SSU72: variants seen among roughly 807,000 people sequenced by gnomAD.
The protein encoded by SSU72 is SSU72 homolog, RNA polymerase II CTD phosphatase, also known as RNA polymerase II subunit A C-terminal domain phosphatase SSU72.
In SSU72, 12 loss-of-function variants were observed where a neutral mutation model predicts 22.7. That is an observed-to-expected ratio of 0.53 (90% CI 0.34 to 0.86). The LOEUF (loss-of-function observed/expected upper bound fraction) is 0.86. Among genes scored for constraint, SSU72 ranks in the 40% least tolerant of loss-of-function variants. The probability of loss-of-function intolerance (pLI) is 0.02; values close to 1 mark genes in which losing one functional copy is unlikely to be tolerated. For missense variants in SSU72, 151 were observed against 249.8 expected (o/e 0.60, Z 2.67); for synonymous variants, 116 against 98.3 (o/e 1.18, Z -1.06).
At position 1,544,257 on chromosome 1, in the gene SSU72, C is replaced by T. The variant is rs138045951; in HGVS notation, c.365-270G>A. On this transcript the variant is annotated intron_variant, in intron 3 of 4. Transcript: ENST00000291386. ...CTGGGGTGAACCGTGACTGGCATTG[C>T]GACCCTTCCCCGTCACTAAAGACCA... Among the ~76,000 whole-genome samples, 14 of 152,338 alleles carry T rather than the reference C, an allele frequency of 9.2e-5. No individual in the cohort carries two copies. In the East Asian group the frequency reaches 1.9e-3, roughly 21 times the overall value.
chr1:1,572,382 A>G (rs1440183929), intron 1 of SSU72, among the ~76,000 whole-genome samples: 3 of 147,922 alleles, frequency 2.0e-5, no homozygotes, highest in African/African-American at 7.4e-5. Flanking sequence ...GAGCTGAGAT[A>G]GCACCACTGC....
intron 2 of SSU72, among the ~76,000 whole-genome samples, chr1:1,553,018 CAAAAAA>C (rs35241878): frequency 1.1e-5 from 1 of 93,818 alleles, no homozygotes; most frequent in Non-Finnish European, 2.4e-5. Context: ...GAGACTGTCT[CAAAAAA>C]AAAAAAAAAA....
chr1:1,559,276 G>A (rs1443119782), intron 2 of SSU72, among the ~76,000 whole-genome samples: 2 of 152,234 alleles, frequency 1.3e-5, no homozygotes, highest in Non-Finnish European at 2.9e-5. Flanking sequence ...TGGAACGGGC[G>A]GACCTGTAGC....
At chr1:1,555,697 G>A (rs1457831238) in intron 2 of SSU72, among the ~76,000 whole-genome samples, 1 of 152,176 alleles carries the variant, frequency 6.6e-6, no homozygotes, top group Non-Finnish European at 1.5e-5. Flanking sequence ...CCATGTCAAC[G>A]TATCAAGAAA....
chr1:1,546,637 G>C (rs1027047550), intron 2 of SSU72: 1 of 152,058 alleles, frequency 6.6e-6, no homozygotes, highest in Non-Finnish European at 1.5e-5. Flanking sequence ...AGGTGTTTGA[G>C]ACCAGCCTGG....
intron 1 of SSU72, 80 bp from the exon 2 acceptor site, chr1:1,564,996 G>GA: frequency 3.4e-6 from 5 of 1,491,586 alleles, no homozygotes; most frequent in Non-Finnish European, 9.0e-7. Context: ...AAATGGGATA[G>GA]AAACAAAATG....
At chr1:1,548,961 T>A (rs1642424844) in intron 2 of SSU72, among the ~76,000 whole-genome samples, 1 of 152,182 alleles carries the variant, frequency 6.6e-6, no homozygotes, top group Non-Finnish European at 1.5e-5. Context: ...CTCCTGAGTC[T>A]GGGGATGGGA....
intron 2 of SSU72, among the ~76,000 whole-genome samples, chr1:1,560,294 T>G: frequency 6.6e-6 from 1 of 152,084 alleles, no homozygotes; most frequent in Non-Finnish European, 1.5e-5. Context: ...CGAGTAGCTG[T>G]GCCACCACAC....
At chr1:1,556,722 G>T (rs764957496) in intron 2 of SSU72, among the ~76,000 whole-genome samples, 1 of 152,144 alleles carries the variant, frequency 6.6e-6, no homozygotes, top group Non-Finnish European at 1.5e-5. Context: ...GCTCTGGGGG[G>T]GTCCACCATG....
Position 1,542,064 on chromosome 1 carries a change from G to A in SSU72, c.*2C>T, listed in dbSNP as rs181647326. The A allele has an allele frequency of 3.7e-5, 59 of 1,574,344 alleles. No individual in the cohort carries two copies. In the African/African-American group the frequency reaches 7.4e-4, roughly 20 times the overall value. ...AGAGGCGGCTCCATGCGGGCGCTGG[G>A]CTCAGTAGAAGCAGACGGTGTGCAG... On this transcript the variant is annotated 3_prime_UTR_variant, in exon 5 of 5. Coordinates refer to ENST00000291386, the MANE Select transcript of SSU72 (RefSeq NM_014188.3). The surrounding 1 kb of genome is among the most constrained non-coding windows in gnomAD (Gnocchi z 4.4).
At chr1:1,547,495 GGCCCCGCCCAGAGGGCTAGACCTGCAA>G (rs1433831159) in intron 2 of SSU72, among the ~76,000 whole-genome samples, 1 of 152,244 alleles carries the variant, frequency 6.6e-6, no homozygotes, top group Non-Finnish European at 1.5e-5. Flanking sequence ...TGCGAGGTGA[GGCCCCGCCCAGAGGGCTAGACCTGCAA>G]GCCCCACCAG....
chr1:1,545,075 A>ACACCCAG (rs1642374703), intron 2 of SSU72, 73 bp from the exon 3 acceptor site: 1 of 1,549,734 alleles, frequency 6.5e-7, no homozygotes, highest in Non-Finnish European at 8.8e-7. Context: ...TGTGTCCTGG[A>ACACCCAG]CACCCAGCCC....
At chr1:1,552,304 GTACT>G (rs1450931612) in intron 2 of SSU72, among the ~76,000 whole-genome samples, 1 of 152,208 alleles carries the variant, frequency 6.6e-6, no homozygotes, top group Non-Finnish European at 1.5e-5. Context: ...CACACAACTG[GTACT>G]TACACAAGTG....
chr1:1,543,528 C>T (rs978632939), intron 4 of SSU72, among the ~76,000 whole-genome samples: 3 of 152,202 alleles, frequency 2.0e-5, no homozygotes, highest in Non-Finnish European at 4.4e-5. Context: ...TACCAGCAGG[C>T]GCCCCCGACA....
Position 1,542,315 on chromosome 1 carries a change from G to A in SSU72, c.484-148C>T. 1 of 736,668 alleles carries A rather than the reference G, an allele frequency of 1.4e-6. No homozygotes were observed. The highest frequency in any genetic ancestry group is 2.2e-6 in the Non-Finnish European group (1 of 449,874). The allele number at this position is 736,668 out of a possible 1,614,324, so 45.6% of individuals were successfully genotyped here. A position where few individuals can be genotyped will look rare whatever the true frequency, so the allele number is the denominator to read the frequency against. On this transcript the variant is annotated intron_variant, in intron 4 of 4. Transcript: ENST00000291386. This position sits in a 1 kb window ranked among gnomAD's most constrained non-coding sequence, Gnocchi z 4.4. ...TCACCCCACCGCTGCTGCCTCACAA[G>A]GACGGCCGGAGGCTGCAGGGGGAGA...
At position 1,542,491 on chromosome 1, in the gene SSU72, C is replaced by T. The variant is rs772445594; in HGVS notation, c.484-324G>A. On this transcript the variant is annotated intron_variant, in intron 4 of 4. Transcript: ENST00000291386. The surrounding 1 kb of genome is among the most constrained non-coding windows in gnomAD (Gnocchi z 4.4). ...ACCCACACATGCACAGCGGGGCCGA[C>T]CAACCCTCACCGCCAGCGCTTCCAC... Among the ~76,000 whole-genome samples, 35 of 152,284 alleles carry T rather than the reference C, an allele frequency of 2.3e-4. No individual in the cohort carries two copies. Among genetic ancestry groups the T allele is most frequent in the Admixed American group, 3.9e-4 (6 of 15,298 alleles).
chr1:1,567,161 C>T (rs568946985), intron 1 of SSU72, among the ~76,000 whole-genome samples: 1 of 152,222 alleles, frequency 6.6e-6, no homozygotes, highest in Non-Finnish European at 1.5e-5. Flanking sequence ...CGGCTCCACG[C>T]GCACCTCCGA....
chr1:1,547,930 G>T (rs755505096), intron 2 of SSU72, among the ~76,000 whole-genome samples: 2 of 152,208 alleles, frequency 1.3e-5, no homozygotes, highest in Non-Finnish European at 2.9e-5. Context: ...CAAAGCGTTC[G>T]ACATTGAACC....
intron 4 of SSU72, among the ~76,000 whole-genome samples, chr1:1,543,050 ACAGAGGCAGAGG>A (rs754419403): frequency 6.6e-6 from 1 of 151,210 alleles, no homozygotes; most frequent in South Asian, 2.1e-4. Flanking sequence ...TCATCAAATC[ACAGAGGCAGAGG>A]CAGAGGCAGA....
Sources: allele counts gnomAD v4.1 joint callset (sites outside exome capture counted in the v4.1 genomes callset), GRCh38; gene constraint gnomAD v4.1.1; non-coding constraint Gnocchi (gnomAD v3.1); transcripts MANE v1.5; gene names NCBI Gene and HGNC (gene_info 2026-07-23, HGNC 2026-07-21).